Variants in SHOC2 observed in about 807,000 individuals in gnomAD.
The protein encoded by SHOC2 is SHOC2 leucine rich repeat scaffold protein, also known as leucine-rich repeat protein SHOC-2.
SHOC2 carries 4 observed loss-of-function variants against 50.2 expected under a neutral mutation model. The ratio of observed to expected loss-of-function variants is 0.08; its 90% CI spans 0.04 to 0.18. SHOC2 has a LOEUF of 0.18. Ranked by LOEUF, SHOC2 falls within the 10% of genes least tolerant of loss-of-function variation. The pLI is 1.00. For synonymous variants in SHOC2, 218 were observed against 244.5 expected (o/e 0.89, Z 1.01); for missense variants, 388 against 669.6 (o/e 0.58, Z 4.64).
chr10:111,000,237 G>A (rs901326472), intron 3 of SHOC2, among the ~76,000 whole-genome samples, 178 bp from the exon 4 acceptor site: 2 of 152,136 alleles, frequency 1.3e-5, no homozygotes, highest in Non-Finnish European at 2.9e-5. Flanking sequence ...GAGCATAAAA[G>A]TGATTTCAAT....
chr10:110,983,678 C>T (rs1848026464), intron 2 of SHOC2, among the ~76,000 whole-genome samples: 1 of 152,080 alleles, frequency 6.6e-6, no homozygotes, highest in Non-Finnish European at 1.5e-5. Context: ...GTCCTCATTC[C>T]CCTCTCTCCT....
At chr10:110,957,540 C>CG (rs1847490969) in intron 1 of SHOC2, among the ~76,000 whole-genome samples, 3 of 150,744 alleles carry the variant, frequency 2.0e-5, no homozygotes, top group South Asian at 2.2e-4. Flanking sequence ...ATACCCCCCC[C>CG]CCAGCCCACA....
intron 2 of SHOC2, among the ~76,000 whole-genome samples, chr10:110,972,867 C>G (rs963715506): frequency 3.3e-5 from 5 of 152,058 alleles, no homozygotes. Context: ...AAAAATAGTA[C>G]TTGAACTGTT....
At chr10:110,974,821 C>G (rs1225094989) in intron 2 of SHOC2, among the ~76,000 whole-genome samples, 1 of 152,114 alleles carries the variant, frequency 6.6e-6, no homozygotes, top group African/African-American at 2.4e-5. Flanking sequence ...CAATTATTGT[C>G]AATACATTTT....
intron 1 of SHOC2, among the ~76,000 whole-genome samples, chr10:110,953,035 A>G (rs910635017): frequency 2.6e-5 from 4 of 152,176 alleles, no homozygotes; most frequent in African/African-American, 9.7e-5. Flanking sequence ...ATATGTGTGC[A>G]TGTGTCTTTA....
At chr10:111,002,058 AT>A (rs1229706601) in intron 4 of SHOC2, among the ~76,000 whole-genome samples, 5 of 152,114 alleles carry the variant, frequency 3.3e-5, no homozygotes, top group South Asian at 2.1e-4. Flanking sequence ...AAAAAAAAAA[AT>A]AAGTGAAAAA....
At chr10:110,939,863 C>T (rs1408969215) in intron 1 of SHOC2, among the ~76,000 whole-genome samples, 4 of 152,196 alleles carry the variant, frequency 2.6e-5, no homozygotes, top group African/African-American at 4.8e-5. Context: ...GCTACATCAT[C>T]ACTTCCTAAT....
chr10:110,925,435 CT>C (rs1003863026), intron 1 of SHOC2, among the ~76,000 whole-genome samples: 1 of 151,582 alleles, frequency 6.6e-6, no homozygotes, highest in East Asian at 1.9e-4. Context: ...CTTTTTCACG[CT>C]TTTTTTTGTT....
chr10:110,968,159 T>C (rs1379391326), intron 2 of SHOC2, among the ~76,000 whole-genome samples: 1 of 152,204 alleles, frequency 6.6e-6, no homozygotes, highest in African/African-American at 2.4e-5. Flanking sequence ...TTATAACCAT[T>C]CTATCGTGTG....
rs147599332 is a variant in SHOC2 at position 110,969,306 on chromosome 10, A to G, written c.703+4245A>G. ...AAGACTCTTCACTCTATACAAAGAC[A>G]GTCAAGAACCCATGTTTTCAGAGGG... On this transcript the variant is annotated intron_variant, in intron 2 of 8. Transcript: ENST00000369452. Among the ~76,000 whole-genome samples, 207 of 152,300 alleles carry G rather than the reference A, an allele frequency of 1.4e-3. 1 individual carries two copies. The highest frequency in any genetic ancestry group is 4.7e-3 in the African/African-American group (194 of 41,554).
chr10:110,987,081 C>G (rs1053580487), intron 3 of SHOC2, among the ~76,000 whole-genome samples: 1 of 152,116 alleles, frequency 6.6e-6, no homozygotes, highest in Non-Finnish European at 1.5e-5. Flanking sequence ...GATTTTGACT[C>G]TTGCTGGAAA....
chr10:111,011,737 T>G lies in SHOC2; in HGVS notation c.1668T>G (p.Leu556=). 1 of 1,614,026 alleles carries G rather than the reference T, an allele frequency of 6.2e-7. No individual in the cohort carries two copies. Residue 556 remains leucine (L), a synonymous_variant, in exon 9 of 9, where the codon CTT becomes CTG. Transcript: ENST00000369452. ...TTGAGAACTGTCCACTCAGTCACCT[T>G]CCACCTCAGATTGTTGCTGGGGGGC... ...MSIENCPLSH[L]PPQIVAGGPS...
chr10:110,946,845 T>A (rs1230852611), intron 1 of SHOC2, among the ~76,000 whole-genome samples: 1 of 152,156 alleles, frequency 6.6e-6, no homozygotes, highest in Non-Finnish European at 1.5e-5. Context: ...GCATCAGATT[T>A]TTTAAGCAAG....
intron 1 of SHOC2, among the ~76,000 whole-genome samples, chr10:110,961,124 C>G (rs939347203): frequency 3.3e-5 from 5 of 151,998 alleles, no homozygotes; most frequent in Non-Finnish European, 7.4e-5. Context: ...TAAAAACCTC[C>G]TTGCCAGCCT....
At chr10:110,923,158 T>C (rs546219042) in intron 1 of SHOC2, among the ~76,000 whole-genome samples, 7 of 152,146 alleles carry the variant, frequency 4.6e-5, no homozygotes, top group Non-Finnish European at 1.0e-4. Context: ...TGTAGATCTT[T>C]TTTGAAATAT....
intron 2 of SHOC2, among the ~76,000 whole-genome samples, chr10:110,970,479 G>A (rs1847758397): frequency 6.6e-6 from 1 of 152,272 alleles, no homozygotes; most frequent in East Asian, 1.9e-4. Context: ...ATTGTGAATA[G>A]TGTTGTAATA....
intron 8 of SHOC2, among the ~76,000 whole-genome samples, chr10:111,011,230 A>G (rs1848560840): frequency 6.6e-6 from 1 of 152,218 alleles, no homozygotes; most frequent in Non-Finnish European, 1.5e-5. Flanking sequence ...AATATATAAT[A>G]AGCTCACCTT....
intron 1 of SHOC2, among the ~76,000 whole-genome samples, chr10:110,956,443 C>T (rs1053334698): frequency 6.6e-6 from 1 of 152,198 alleles, no homozygotes; most frequent in African/African-American, 2.4e-5. Flanking sequence ...TCTCAAACTC[C>T]TGACTACATT....
intron 2 of SHOC2, among the ~76,000 whole-genome samples, chr10:110,971,268 T>G (rs1373300710): frequency 6.6e-6 from 1 of 152,202 alleles, no homozygotes; most frequent in African/African-American, 2.4e-5. Flanking sequence ...CTTCTGCATA[T>G]ATATATATCC....
Sources: gnomAD v4.1 joint callset for allele counts (sites outside exome capture counted in the v4.1 genomes callset) on GRCh38, gnomAD v4.1.1 for gene constraint, MANE v1.5 for transcripts, NCBI Gene and HGNC (gene_info 2026-07-23, HGNC 2026-07-21) for gene names.